Variants in BNIP2 observed in about 807,000 individuals in gnomAD.
BNIP2 encodes BCL2 interacting protein 2.
Under a neutral mutation model 43.4 loss-of-function variants are expected in BNIP2, and 36 were observed. The observed-to-expected ratio is 0.83, with a 90% confidence interval of 0.64 to 1.10. BNIP2 has a LOEUF of 1.10. Ranked by LOEUF, BNIP2 falls within the 50% of genes least tolerant of loss-of-function variation. The probability of loss-of-function intolerance (pLI) is 0.00; values close to 1 mark genes in which losing one functional copy is unlikely to be tolerated. For synonymous variants in BNIP2, 146 were observed against 121.0 expected, an observed-to-expected ratio of 1.21 and a Z score of -1.35; for missense variants, 417 against 374.1, an observed-to-expected ratio of 1.11 and a Z score of -0.95.
chr15:59,676,988 G>C (rs1893343223), intron 5 of BNIP2: 1 of 1,613,458 alleles, frequency 6.2e-7, no homozygotes, highest in Admixed American at 1.7e-5. Context: ...AGGTCTGCTT[G>C]GTTATCTCCA....
At chr15:59,681,449 ATT>A (rs34488048) in intron 2 of BNIP2, among the ~76,000 whole-genome samples, 58 of 136,706 alleles carry the variant, frequency 4.2e-4, no homozygotes, top group Admixed American at 6.1e-4. Flanking sequence ...GAACCCACAA[ATT>A]TTTTTTTTTT....
At chr15:59,688,488 A>G (rs773109297) in intron 1 of BNIP2, 135 of 461,242 alleles carry the variant, frequency 2.9e-4, no homozygotes, top group South Asian at 1.1e-3. Context: ...AACACCGGAA[A>G]AGCTGTTTCG....
At chr15:59,664,186 G>C in intron 9 of BNIP2, 66 bp from the exon 10 acceptor site, 1 of 1,089,964 alleles carries the variant, frequency 9.2e-7, no homozygotes, top group Non-Finnish European at 1.3e-6. Flanking sequence ...TAAAAATAAT[G>C]ACTATTTTAG....
Position 59,680,279 on chromosome 15 carries a change from G to A in BNIP2, c.80C>T (p.Ala27Val). Residue 27 changes from alanine to valine, a missense_variant, in exon 3 of 10, where the codon GCA becomes GTA. By Grantham distance (64) the Ala-to-Val change is moderately conservative. Coordinates refer to ENST00000607373, the MANE Select transcript of BNIP2 (RefSeq NM_004330.4). ...TGGTCCAGTTATAGCTAGTATATCT[G>A]CTTCAATACTATCATCTTCTGGTAA... ...IPLPEDDSIE[A>V]DILAITGPED... 6.2e-7 allele frequency: 1 copy of A among 1,601,960 alleles called. No individual in the cohort carries two copies. Among genetic ancestry groups the A allele is most frequent in the African/African-American group, 1.3e-5 (1 of 74,616 alleles).
At chr15:59,672,609 C>T in intron 6 of BNIP2, 28 bp downstream of exon 6, 1 of 1,406,388 alleles carries the variant, frequency 7.1e-7, no homozygotes, top group Non-Finnish European at 9.6e-7. Context: ...CAATTCTGTC[C>T]AAATGTTTTT....
chr15:59,676,394 G>C (rs1372916155), intron 5 of BNIP2, among the ~76,000 whole-genome samples: 1 of 151,550 alleles, frequency 6.6e-6, no homozygotes, highest in Non-Finnish European at 1.5e-5. Context: ...GGTCTATGTT[G>C]CCCAAGCTGG....
At position 59,669,371 on chromosome 15, in the gene BNIP2, TAA is replaced by T. The variant is rs143193624; in HGVS notation, c.708-11_708-10del. ...TTAGATTTTTCCGTAACCTGGAGTTTAAAAAAAAAACACACACACACAAAGAA... is the reference window on the plus strand; with the variant it reads ...TTAGATTTTTCCGTAACCTGGAGTTTAAAAAAAACACACACACACAAAGAA... On this transcript the variant is annotated splice_polypyrimidine_tract_variant and intron_variant, in intron 7 of 9. Coordinates refer to ENST00000607373, the MANE Select transcript of BNIP2 (RefSeq NM_004330.4). 7.2e-6 allele frequency: 10 copies of T among 1,390,662 alleles called. No homozygotes were observed. Among genetic ancestry groups the T allele is most frequent in the East Asian group, 2.6e-5 (1 of 38,590 alleles). The allele number at this position is 1,390,662 out of a possible 1,614,324, so 86.1% of individuals were successfully genotyped here. A position where few individuals can be genotyped will look rare whatever the true frequency, so the allele number is the denominator to read the frequency against.
At chr15:59,672,782 T>G (rs752742757) in intron 5 of BNIP2, 43 bp from the exon 6 acceptor site, 2 of 1,452,258 alleles carry the variant, frequency 1.4e-6, no homozygotes, top group South Asian at 2.4e-5. Flanking sequence ...ACGATTTTAC[T>G]CTTAGGCATT....
Position 59,668,961 on chromosome 15 carries a change from A to G in BNIP2, c.824T>C (p.Val275Ala). The change falls in exon 9 of 10, where the codon GTG (valine) becomes GCG (alanine). Residue 275 changes from valine (V) to alanine (A), a missense_variant. Coordinates refer to ENST00000607373, the MANE Select transcript of BNIP2 (RefSeq NM_004330.4). ...SSKFSQKIRY[V>A]FNLAELAELV... ...TTCTGCTAGTTCTGCCAAATTAAAC[A>G]CGTATCTAATTTTTTGGCTGAATTT... The G allele has an allele frequency of 6.2e-7, 1 of 1,613,654 alleles. No individual in the cohort carries two copies. Among genetic ancestry groups the G allele is most frequent in the Non-Finnish European group, 8.5e-7 (1 of 1,179,726 alleles).
rs1417824771 is a variant in BNIP2 at position 59,688,970 on chromosome 15, G to T, written c.-58+165C>A. 4.9e-6 allele frequency: 7 copies of T among 1,441,260 alleles called. No individual in the cohort carries two copies. The African/African-American group carries it at 1.0e-4, about 21-fold the overall frequency. 89.3% of individuals were successfully genotyped at this position (1,441,260 alleles called of 1,614,324 possible). On this transcript the variant is annotated intron_variant, in intron 1 of 9. Transcript: ENST00000607373. ...GGACCTAAGCAGGGCGGGGATCCAG[G>T]AAGCACCTCCCGAGCAGGTTCTATG...
intron 1 of BNIP2, among the ~76,000 whole-genome samples, chr15:59,684,981 T>C (rs1357340115): frequency 1.3e-5 from 2 of 152,202 alleles, no homozygotes; most frequent in African/African-American, 4.8e-5. Flanking sequence ...GCTCAATCTC[T>C]TAGGCTTATT....
chr15:59,664,354 T>C (rs6151582), intron 9 of BNIP2, among the ~76,000 whole-genome samples: 12,799 of 152,192 alleles, frequency 0.084, 952 homozygotes, highest in East Asian at 0.32. Flanking sequence ...GATTATAAAA[T>C]ACTTTACATA....
intron 5 of BNIP2, among the ~76,000 whole-genome samples, chr15:59,673,237 C>T (rs558323391): frequency 1.3e-5 from 2 of 151,576 alleles, no homozygotes; most frequent in Non-Finnish European, 1.5e-5. Flanking sequence ...TCCTGCCTCC[C>T]GAGTAGCTGG....
intron 4 of BNIP2, 139 bp from the exon 5 acceptor site, chr15:59,678,226 G>A (rs1325038741): frequency 2.2e-5 from 30 of 1,390,274 alleles, no homozygotes; most frequent in Non-Finnish European, 2.6e-5. Flanking sequence ...CTTCCATAAA[G>A]GAGGAAAAGG....
intron 9 of BNIP2, among the ~76,000 whole-genome samples, chr15:59,665,826 TAAAGAA>T: frequency 6.6e-6 from 1 of 152,300 alleles, no homozygotes; most frequent in South Asian, 2.1e-4. Context: ...CGGTATTAGA[TAAAGAA>T]AAATATTTTT....
chr15:59,663,825 T>A lies in BNIP2; in HGVS notation c.*244A>T, dbSNP rs1265647185. ...CTTTATATAAAGTGTGGTTCTCTAT[T>A]TAGCAATATAAAATATAAAACGATA... On this transcript the variant is annotated 3_prime_UTR_variant, in exon 10 of 10. Coordinates refer to ENST00000607373, the MANE Select transcript of BNIP2 (RefSeq NM_004330.4). 3.0e-6 allele frequency: 1 copy of A among 330,102 alleles called. No homozygotes were observed. The highest frequency in any genetic ancestry group is 5.4e-6 in the Non-Finnish European group (1 of 183,958). 20.4% of individuals were successfully genotyped at this position (330,102 alleles called of 1,614,324 possible). A position where few individuals can be genotyped will look rare whatever the true frequency, so the allele number is the denominator to read the frequency against.
intron 5 of BNIP2, chr15:59,677,109 G>C (rs1453860684): frequency 1.2e-6 from 2 of 1,607,410 alleles, no homozygotes; most frequent in Middle Eastern, 3.3e-4. Context: ...AATGGGCAAG[G>C]TCAAGGATAT....
intron 5 of BNIP2, 58 bp from the exon 6 acceptor site, chr15:59,672,797 G>C (rs1893018470): frequency 8.2e-7 from 1 of 1,215,892 alleles, no homozygotes; most frequent in African/African-American, 1.5e-5. Context: ...GGCATTTTTA[G>C]AAGACATCTG....
chr15:59,668,772 A>ACACACG (rs1555396260), intron 9 of BNIP2, 120 bp downstream of exon 9: 1 of 780,038 alleles, frequency 1.3e-6, no homozygotes, highest in African/African-American at 1.8e-5. Flanking sequence ...ACACACACAC[A>ACACACG]CGCGCGCGCG....
Sources: gnomAD v4.1 joint callset for allele counts (sites outside exome capture counted in the v4.1 genomes callset) on GRCh38, gnomAD v4.1.1 for gene constraint, MANE v1.5 for transcripts, NCBI Gene and HGNC (gene_info 2026-07-23, HGNC 2026-07-21) for gene names.